Variants in FHIT observed in about 807,000 individuals in gnomAD.
FHIT encodes the protein fragile histidine triad diadenosine triphosphatase.
Under a neutral mutation model 17.9 loss-of-function variants are expected in FHIT, and 19 were observed. The ratio of observed to expected loss-of-function variants is 1.06; its 90% CI spans 0.74 to 1.56. The LOEUF (loss-of-function observed/expected upper bound fraction) is 1.56. Among genes scored for constraint, FHIT ranks in the 40% most tolerant of loss-of-function variants. FHIT has a pLI of 0.00. For synonymous variants in FHIT, 81 were observed against 69.7 expected (o/e 1.16, Z -0.81); for missense variants, 248 against 189.2 (o/e 1.31, Z -1.82).
At chr3:60,669,723 G>C (rs1382729929) in intron 4 of FHIT, among the ~76,000 whole-genome samples, 1 of 152,154 alleles carries the variant, frequency 6.6e-6, no homozygotes, top group Non-Finnish European at 1.5e-5. Context: ...TTGCATGTGA[G>C]AGCTAGAAGG....
chr3:59,972,513 C>G (rs1309258609), intron 7 of FHIT, among the ~76,000 whole-genome samples: 2 of 152,088 alleles, frequency 1.3e-5, no homozygotes, highest in African/African-American at 4.8e-5. Flanking sequence ...GCCTAAACCT[C>G]TGAGGGTGCC....
intron 3 of FHIT, among the ~76,000 whole-genome samples, chr3:60,895,795 C>A (rs1388610857): frequency 6.8e-6 from 1 of 146,436 alleles, no homozygotes; most frequent in East Asian, 2.1e-4. Context: ...CAAGCTGGTT[C>A]CTGTGTCATT....
chr3:60,930,694 T>C (rs1191080829), intron 3 of FHIT, among the ~76,000 whole-genome samples: 6 of 152,206 alleles, frequency 3.9e-5, no homozygotes, highest in African/African-American at 1.4e-4. Flanking sequence ...AGAATGGCGA[T>C]CATTAAAAAG....
At chr3:61,250,328 T>A (rs2040590645) in intron 1 of FHIT, among the ~76,000 whole-genome samples, 1 of 152,234 alleles carries the variant, frequency 6.6e-6, no homozygotes, top group Non-Finnish European at 1.5e-5. Flanking sequence ...GGACCACCCT[T>A]GGTAGTCTGG....
chr3:60,333,503 T>C (rs1394583736), intron 5 of FHIT, among the ~76,000 whole-genome samples: 4 of 151,854 alleles, frequency 2.6e-5, no homozygotes, highest in Non-Finnish European at 4.4e-5. Context: ...ACAAACCAAT[T>C]GAACTTTTAA....
intron 5 of FHIT, among the ~76,000 whole-genome samples, chr3:60,084,155 C>G (rs969742310): frequency 2.0e-5 from 3 of 152,084 alleles, no homozygotes; most frequent in Non-Finnish European, 4.4e-5. Flanking sequence ...CTGAAAGGTT[C>G]AGAGGGGTAA....
chr3:61,219,398 A>T (rs1416412402), intron 1 of FHIT, among the ~76,000 whole-genome samples: 1 of 151,824 alleles, frequency 6.6e-6, no homozygotes, highest in Non-Finnish European at 1.5e-5. Context: ...AATGCGAGCA[A>T]GTCAGAACCC....
At chr3:59,882,824 C>T (rs569222096) in intron 8 of FHIT, among the ~76,000 whole-genome samples, 28 of 152,292 alleles carry the variant, frequency 1.8e-4, no homozygotes, top group African/African-American at 6.0e-4. Context: ...AGAAACATGG[C>T]ATGTTCCTTA....
intron 3 of FHIT, among the ~76,000 whole-genome samples, chr3:60,900,316 A>C (rs1182386166): frequency 6.6e-6 from 1 of 152,052 alleles, no homozygotes; most frequent in Non-Finnish European, 1.5e-5. Context: ...TCCTAGCTAC[A>C]TGGGAGGCTG....
At chr3:60,215,047 C>G (rs543151358) in intron 5 of FHIT, among the ~76,000 whole-genome samples, 1 of 152,144 alleles carries the variant, frequency 6.6e-6, no homozygotes, top group Non-Finnish European at 1.5e-5. Flanking sequence ...CACATGGATT[C>G]AAAGCCTGCC....
In FHIT at chr3:60,970,097, T is replaced by C. The variant is rs56902712; in HGVS notation, c.-111+71950A>G. Among the ~76,000 whole-genome samples the C allele has an allele frequency of 5.9e-3, 904 of 152,292 alleles. 9 individuals carry two copies. The highest frequency in any genetic ancestry group is 0.021 in the African/African-American group (872 of 41,560). On this transcript the variant is annotated intron_variant, in intron 3 of 9. Coordinates refer to ENST00000492590, the MANE Select transcript of FHIT (RefSeq NM_002012.4). ...CCTCGGCCTCCCAAAGTGTTGGGAT[T>C]ACAGGTGTGAGCTACCAGGCCCAGC...
intron 3 of FHIT, among the ~76,000 whole-genome samples, chr3:60,866,708 GC>G (rs1704180221): frequency 6.6e-6 from 1 of 152,190 alleles, no homozygotes; most frequent in East Asian, 1.9e-4. Context: ...GGTTTTTCCA[GC>G]TTTGCCTATG....
chr3:60,364,171 T>A (rs1700017704), intron 5 of FHIT, among the ~76,000 whole-genome samples: 1 of 152,252 alleles, frequency 6.6e-6, no homozygotes, highest in Non-Finnish European at 1.5e-5. Context: ...TTTCTAATAA[T>A]GCCTTTGGTC....
intron 5 of FHIT, among the ~76,000 whole-genome samples, chr3:60,527,290 T>G (rs1345942444): frequency 1.3e-5 from 2 of 152,222 alleles, no homozygotes; most frequent in African/African-American, 4.8e-5. Flanking sequence ...TAATTCCTGT[T>G]GATTTATTTT....
intron 2 of FHIT, among the ~76,000 whole-genome samples, chr3:61,155,542 AG>A (rs2037511493): frequency 6.6e-6 from 1 of 152,158 alleles, no homozygotes; most frequent in African/African-American, 2.4e-5. Context: ...CTATCCACCC[AG>A]GTTGAACAAT....
intron 5 of FHIT, among the ~76,000 whole-genome samples, chr3:60,322,703 C>T (rs537393857): frequency 3.3e-5 from 5 of 152,098 alleles, no homozygotes; most frequent in Admixed American, 6.6e-5. Context: ...TAAGTACAAT[C>T]GTATGATCAC....
chr3:60,344,705 A>T (rs1295973108), intron 5 of FHIT, among the ~76,000 whole-genome samples: 1 of 152,166 alleles, frequency 6.6e-6, no homozygotes, highest in East Asian at 1.9e-4. Context: ...AAGTTAATAA[A>T]GCTAGATTTA....
intron 2 of FHIT, among the ~76,000 whole-genome samples, chr3:61,044,133 A>T (rs921041225): frequency 6.6e-6 from 1 of 152,224 alleles, no homozygotes; most frequent in African/African-American, 2.4e-5. Flanking sequence ...TGGAGAATGA[A>T]TTTGACGAGT....
chr3:61,032,467 C>G (rs2033054916), intron 3 of FHIT, among the ~76,000 whole-genome samples: 1 of 152,184 alleles, frequency 6.6e-6, no homozygotes, highest in Non-Finnish European at 1.5e-5. Context: ...CTAAGAGCTT[C>G]TTTCATTTCC....
Sources: allele counts gnomAD v4.1 joint callset (sites outside exome capture counted in the v4.1 genomes callset), GRCh38; gene constraint gnomAD v4.1.1; transcripts MANE v1.5; gene names NCBI Gene and HGNC (gene_info 2026-07-23, HGNC 2026-07-21).